The following UBE2A variants were observed in gnomAD, a reference collection of about 807,000 sequenced individuals.
UBE2A encodes the protein ubiquitin conjugating enzyme E2 A.
For synonymous variants in UBE2A, 39 were observed against 41.1 expected, an observed-to-expected ratio of 0.95 and a Z score of 0.20; for missense variants, 27 against 125.8, an observed-to-expected ratio of 0.21 and a Z score of 3.76.
chrX:119,578,906 G>C (rs2053434701), intron 3 of UBE2A, among the ~76,000 whole-genome samples: 1 of 111,960 alleles, frequency 8.9e-6, no homozygotes. Flanking sequence ...TAAATTTTCA[G>C]TTATTTTAAA....
At chrX:119,581,804 G>A (rs890343774) in intron 4 of UBE2A, among the ~76,000 whole-genome samples, 5 of 112,348 alleles carry the variant, frequency 4.5e-5, no homozygotes, top group Admixed American at 9.5e-5. Flanking sequence ...GAGTCTGGGA[G>A]CCTCCTGATT....
chrX:119,581,315 G>A (rs1339250529), intron 3 of UBE2A, 192 bp from the exon 4 acceptor site: 2 of 323,851 alleles, frequency 6.2e-6, no homozygotes, highest in African/African-American at 5.4e-5. Context: ...GAAAATAATG[G>A]CAAAACAAAA....
intron 4 of UBE2A, chrX:119,582,325 C>T: frequency 4.9e-6 from 1 of 202,827 alleles, no homozygotes; most frequent in Non-Finnish European, 9.0e-6. Context: ...TTTCTGATTT[C>T]CTGGATAATA....
intron 2 of UBE2A, 149 bp from the exon 3 acceptor site, chrX:119,575,226 G>T: frequency 1.1e-6 from 1 of 891,861 alleles, no homozygotes; most frequent in Non-Finnish European, 1.6e-6. Context: ...GGCTTGCCCT[G>T]TGTCTCTGAG....
chrX:119,574,822 C>G (rs1015356029), intron 1 of UBE2A, 67 bp downstream of exon 1: 1 of 1,198,447 alleles, frequency 8.3e-7, no homozygotes. Context: ...CCGAGGCGCG[C>G]CGGGCGGGGA....
rs535814761 is a variant in UBE2A at position 119,583,564 on chromosome X, G to A, written c.*309G>A. On this transcript the variant is annotated 3_prime_UTR_variant, in exon 6 of 6. Transcript: ENST00000371558. ...TTATTGTACTTTAAGCTTTTAAGATGAATTGTTATACAAGAGGTGCTTATG... is the reference window on the plus strand; with the variant it reads ...TTATTGTACTTTAAGCTTTTAAGATAAATTGTTATACAAGAGGTGCTTATG... The A allele has an allele frequency of 4.7e-5, 13 of 274,998 alleles. No individual in the cohort carries two copies. The highest frequency in any genetic ancestry group is 3.3e-4 in the African/African-American group (12 of 36,405). 22.7% of individuals were successfully genotyped at this position (274,998 alleles called of 1,213,427 possible). A position where few individuals can be genotyped will look rare whatever the true frequency, so the allele number is the denominator to read the frequency against.
At position 119,574,602 on chromosome X, in the gene UBE2A, TG is replaced by T; in HGVS notation, c.-107del. The T allele has an allele frequency of 9.6e-7, 1 of 1,039,695 alleles. No individual in the cohort carries two copies. The highest frequency in any genetic ancestry group is 1.3e-6 in the Non-Finnish European group (1 of 763,664). 85.7% of individuals were successfully genotyped at this position (1,039,695 alleles called of 1,213,427 possible). ...CTTCGGAGAGGCAGCGCGGTTCCTC[TG>T]GGTGCTTCCGCCTCCCCTTCTCCTG... is the stretch of plus-strand genomic sequence containing the variant. On this transcript the variant is annotated 5_prime_UTR_variant, in exon 1 of 6. Transcript: ENST00000371558.
At chrX:119,575,615 T>A (rs1603308191) in intron 3 of UBE2A, 2 of 406,272 alleles carry the variant, frequency 4.9e-6, no homozygotes, top group Non-Finnish European at 8.5e-6. Context: ...AAAAAAAAAA[T>A]CTGTGTAAGG....
chrX:119,581,453 C>T (rs2053450176), intron 3 of UBE2A, 54 bp from the exon 4 acceptor site: 11 of 927,315 alleles, frequency 1.2e-5, no homozygotes, highest in Non-Finnish European at 1.7e-5. Flanking sequence ...AAACAAAGTA[C>T]TACTGAACAA....
chrX:119,583,055 A>G (rs774658215), intron 5 of UBE2A, 72 bp from the exon 6 acceptor site: 38 of 1,161,480 alleles, frequency 3.3e-5, no homozygotes, highest in East Asian at 2.4e-4. Context: ...GGACAATTCA[A>G]TTGAGTGTCA....
In UBE2A at chrX:119,584,262, T is replaced by C. The variant is rs2053473422; in HGVS notation, c.*1007T>C. ...TATACTTTTAGATATATAGTACCTTTAAGTAGCAGTATGGGACAAGGCTTG... is the reference window on the plus strand; with the variant it reads ...TATACTTTTAGATATATAGTACCTTCAAGTAGCAGTATGGGACAAGGCTTG... On this transcript the variant is annotated 3_prime_UTR_variant, in exon 6 of 6. Coordinates refer to ENST00000371558, the MANE Select transcript of UBE2A (RefSeq NM_003336.4). 8.9e-6 allele frequency: 1 copy of C among 111,963 alleles called. No homozygotes were observed. The highest frequency in any genetic ancestry group is 9.6e-5 in the Admixed American group (1 of 10,458). 9.2% of individuals were successfully genotyped at this position (111,963 alleles called of 1,213,427 possible). A position where few individuals can be genotyped will look rare whatever the true frequency, so the allele number is the denominator to read the frequency against.
At chrX:119,579,039 T>G in intron 3 of UBE2A, among the ~76,000 whole-genome samples, 1 of 112,343 alleles carries the variant, frequency 8.9e-6, no homozygotes, top group East Asian at 2.8e-4. Flanking sequence ...AAGGTTATAC[T>G]AAACAGGTTC....
chrX:119,574,800 A>C, intron 1 of UBE2A, 45 bp downstream of exon 1: 1 of 1,186,867 alleles, frequency 8.4e-7, no homozygotes, highest in African/African-American at 1.7e-5. Context: ...GAGCTGGGGC[A>C]CAGGGCGGGT....
At chrX:119,582,518 T>C (rs2053456445) in intron 4 of UBE2A, 70 bp from the exon 5 acceptor site, 2 of 816,134 alleles carry the variant, frequency 2.5e-6, no homozygotes, top group Admixed American at 5.0e-5. Flanking sequence ...TTGACTATTT[T>C]TGTTTTGTCT....
chrX:119,575,481 C>T, intron 3 of UBE2A, 81 bp downstream of exon 3: 1 of 1,157,186 alleles, frequency 8.6e-7, no homozygotes, highest in Non-Finnish European at 1.2e-6. Flanking sequence ...GAAGTGTCTC[C>T]TGCTTAGGAA....
At chrX:119,582,127 A>G (rs2053454540) in intron 4 of UBE2A, among the ~76,000 whole-genome samples, 1 of 112,413 alleles carries the variant, frequency 8.9e-6, no homozygotes, top group African/African-American at 3.2e-5. Context: ...AGCCTAGAAC[A>G]GCTTGCCTTT....
intron 4 of UBE2A, 150 bp from the exon 5 acceptor site, chrX:119,582,438 T>C (rs981316264): frequency 4.9e-6 from 2 of 411,297 alleles, no homozygotes; most frequent in African/African-American, 5.0e-5. Context: ...GTGGTGGTTA[T>C]GACTTATCTT....
Position 119,583,150 on chromosome X carries a change from C to G in UBE2A, c.354C>G (p.Pro118=). 6 of 1,211,244 alleles carry G rather than the reference C, an allele frequency of 5.0e-6. No homozygotes were observed. The highest frequency in any genetic ancestry group is 6.7e-6 in the Non-Finnish European group (6 of 895,335). The stretch of plus-strand genomic sequence containing the variant: ...AGTCTCTGTTGGATGAACCCAATCC[C>G]AATAGTCCAGCAAACAGCCAGGCTG... ...SIQSLLDEPN[P]NSPANSQAAQ... is the part of the protein sequence containing the mutation. The change falls in exon 6 of 6, where the codon CCC becomes CCG. Residue 118 remains proline, a synonymous_variant. Coordinates refer to ENST00000371558, the MANE Select transcript of UBE2A (RefSeq NM_003336.4).
chrX:119,577,948 AT>A (rs1350098636), intron 3 of UBE2A, among the ~76,000 whole-genome samples: 1 of 111,359 alleles, frequency 9.0e-6, no homozygotes, highest in Non-Finnish European at 1.9e-5. Flanking sequence ...AGCCTTAACC[AT>A]TTTTTGAATA....
Sources: allele counts gnomAD v4.1 joint callset (sites outside exome capture counted in the v4.1 genomes callset), GRCh38; gene constraint gnomAD v4.1.1; transcripts MANE v1.5; gene names NCBI Gene and HGNC (gene_info 2026-07-23, HGNC 2026-07-21).